Variants in ESPL1 observed in about 807,000 individuals in gnomAD.
The protein encoded by ESPL1 is separin.
Under a neutral mutation model 217.2 loss-of-function variants are expected in ESPL1, and 50 were observed. That is an observed-to-expected ratio of 0.23 (90% CI 0.18 to 0.29). The LOEUF (loss-of-function observed/expected upper bound fraction) is 0.29, where lower values mean the gene tolerates loss of function less well. Ranked by LOEUF, ESPL1 falls within the 10% of genes least tolerant of loss-of-function variation. The pLI, the probability that ESPL1 is intolerant of heterozygous loss-of-function variation, is 1.00. For missense variants in ESPL1, 1,834 were observed against 2,603.0 expected (o/e 0.70, Z 6.43); for synonymous variants, 994 against 1,081.3 (o/e 0.92, Z 1.58).
rs559652752 is a variant in ESPL1 at position 53,287,229 on chromosome 12, T to C, written c.4176+317T>C. The C allele has an allele frequency of 1.9e-4, 42 of 215,876 alleles. No homozygotes were observed. The South Asian group carries it at 3.0e-3, about 15-fold the overall frequency. The allele number at this position is 215,876 out of a possible 1,614,324, so 13.4% of individuals were successfully genotyped here. A position where few individuals can be genotyped will look rare whatever the true frequency, so the allele number is the denominator to read the frequency against. On this transcript the variant is annotated intron_variant, in intron 18 of 30. Coordinates refer to ENST00000257934, the MANE Select transcript of ESPL1 (RefSeq NM_012291.5). ...CTGGGACTACAAGCGCCTGCCACCA[T>C]GCCCAGCTAATTTTTTGTATTTTCA...
chr12:53,285,929 G>T lies in ESPL1; in HGVS notation c.3193G>T (p.Gly1065Cys), dbSNP rs1348501329. The change falls in exon 18 of 31, where the codon GGT becomes TGT. Residue 1065 changes from glycine to cysteine, a missense_variant. By Grantham distance (159) the Gly-to-Cys change is radical (BLOSUM62 -3). This residue lies in a region of ESPL1 where 681 missense variants were observed against 808.0 expected (regional missense o/e 0.84). Transcript: ENST00000257934. ...LFLLESCTEF[G>C]GVTQHLDSVK... is the part of the protein sequence containing the mutation. ...TTGTTCTGCCTTCTCCCCAGAGTTT[G>T]GTGGGGTGACTCAGCACCTGGACTC... is the stretch of plus-strand genomic sequence containing the variant. 3 of 1,518,276 alleles carry T rather than the reference G, an allele frequency of 2.0e-6. No individual in the cohort carries two copies. Among genetic ancestry groups the T allele is most frequent in the Admixed American group, 2.2e-5 (1 of 45,270 alleles). 94.1% of individuals were successfully genotyped at this position (1,518,276 alleles called of 1,614,324 possible).
In ESPL1 at chr12:53,288,113, G is replaced by A; in HGVS notation, c.4318G>A (p.Val1440Ile). 1 of 1,613,730 alleles carries A rather than the reference G, an allele frequency of 6.2e-7. No individual in the cohort carries two copies. Reference sequence around the variant, plus strand: ...CCTGAGCCTAAAGACGGATGCCGTGGTTGCCCCAGGTAGTGCCCCTGGGAA... The same window carrying A: ...CCTGAGCCTAAAGACGGATGCCGTGATTGCCCCAGGTAGTGCCCCTGGGAA... ...KGLSLKTDAV[V>I]APGSAPGNPG... The change falls in exon 19 of 31, where the codon GTT becomes ATT. Residue 1440 changes from valine (V) to isoleucine (I), a missense_variant. By Grantham distance (29) the Val-to-Ile change is conservative. Coordinates refer to ENST00000257934, the MANE Select transcript of ESPL1 (RefSeq NM_012291.5).
At position 53,289,770 on chromosome 12, in the gene ESPL1, C is replaced by T. The variant is rs1483534990; in HGVS notation, c.5113+176C>T. ...AAGGTTTGTTGTTTTTTTTAAACCTCAACTTTGAATTACCAGCAAATTCAG... is the reference window on the plus strand; with the variant it reads ...AAGGTTTGTTGTTTTTTTTAAACCTTAACTTTGAATTACCAGCAAATTCAG... On this transcript the variant is annotated intron_variant, in intron 22 of 30. Coordinates refer to ENST00000257934, the MANE Select transcript of ESPL1 (RefSeq NM_012291.5). 6.3e-6 allele frequency: 4 copies of T among 638,748 alleles called. No homozygotes were observed. The East Asian group carries it at 1.1e-4, about 18-fold the overall frequency. The allele number at this position is 638,748 out of a possible 1,614,324, so 39.6% of individuals were successfully genotyped here. A position where few individuals can be genotyped will look rare whatever the true frequency, so the allele number is the denominator to read the frequency against.
Position 53,283,239 on chromosome 12 carries a change from A to G in ESPL1, c.2902A>G (p.Thr968Ala). The G allele has an allele frequency of 1.9e-6, 3 of 1,614,194 alleles. No homozygotes were observed. The highest frequency in any genetic ancestry group is 2.5e-6 in the Non-Finnish European group (3 of 1,180,034). ...ILSTQKAAVE[T>A]SFLDYGENLV... ...CTCAACTCAGAAAGCAGCTGTGGAG[A>G]CATCGTTTTTGGACTATGGTGAGTC... is the stretch of plus-strand genomic sequence containing the variant. The change falls in exon 15 of 31, where the codon ACA (threonine) becomes GCA (alanine). Residue 968 changes from threonine (T) to alanine (A), a missense_variant. Transcript: ENST00000257934.
In ESPL1 at chr12:53,272,012, G is replaced by A. The variant is rs531615599; in HGVS notation, c.1370-709G>A. 1.3e-3 allele frequency among the ~76,000 whole-genome samples: 190 copies of A among 151,388 alleles called. 1 individual carries two copies. Among genetic ancestry groups the A allele is most frequent in the Middle Eastern group, 3.4e-3 (1 of 292 alleles). On this transcript the variant is annotated intron_variant, in intron 5 of 30. Coordinates refer to ENST00000257934, the MANE Select transcript of ESPL1 (RefSeq NM_012291.5). ...TGAGGCAGGAGAATGGTGTGAACCC[G>A]GGAGGTGGAGCTTGCAGTGAGCCAA...
chr12:53,279,265 GAAAC>G (rs781459469), intron 11 of ESPL1, among the ~76,000 whole-genome samples: 15 of 152,118 alleles, frequency 9.9e-5, no homozygotes, highest in Admixed American at 7.2e-4. Flanking sequence ...TCCACATTAG[GAAAC>G]AAACAAACAA....
Position 53,292,708 on chromosome 12 carries a change from A to G in ESPL1, c.5996+51A>G. 1 of 1,599,806 alleles carries G rather than the reference A, an allele frequency of 6.3e-7. No homozygotes were observed. Among genetic ancestry groups the G allele is most frequent in the Non-Finnish European group, 8.6e-7 (1 of 1,168,790 alleles). On this transcript the variant is annotated intron_variant, in intron 29 of 30. Coordinates refer to ENST00000257934, the MANE Select transcript of ESPL1 (RefSeq NM_012291.5). The surrounding 1 kb of genome is among the most constrained non-coding windows in gnomAD (Gnocchi z 4.5). Reference sequence around the variant, plus strand: ...GGAGAGGGGCAGTCCTGAGGATGGTATCACCATGGGTTGCTTTGGGACTTG... The same window carrying G: ...GGAGAGGGGCAGTCCTGAGGATGGTGTCACCATGGGTTGCTTTGGGACTTG...
chr12:53,293,107 AC>A lies in ESPL1; in HGVS notation c.6161+139del. Reference sequence around the variant, plus strand: ...CTAGTTAGTTCCCTGGCATGCCTGGACCATTAACCCTTAGCTCCCTTCTGTT... The same window carrying A: ...CTAGTTAGTTCCCTGGCATGCCTGGACATTAACCCTTAGCTCCCTTCTGTT... On this transcript the variant is annotated intron_variant, in intron 30 of 30. Transcript: ENST00000257934. This position sits in a 1 kb window ranked among gnomAD's most constrained non-coding sequence, Gnocchi z 4.2. 1 of 995,298 alleles carries A rather than the reference AC, an allele frequency of 1.0e-6. No homozygotes were observed. The highest frequency in any genetic ancestry group is 1.5e-6 in the Non-Finnish European group (1 of 670,958). 61.7% of individuals were successfully genotyped at this position (995,298 alleles called of 1,614,324 possible).
chr12:53,292,514 C>T lies in ESPL1; in HGVS notation c.5913-60C>T, dbSNP rs550951613. ...TTCTATCTAATGATCCCTCTGCTGTCTTTGCCACCTGACCCCTGCCATGCA... is the reference window on the plus strand; with the variant it reads ...TTCTATCTAATGATCCCTCTGCTGTTTTTGCCACCTGACCCCTGCCATGCA... On this transcript the variant is annotated intron_variant, in intron 28 of 30. Coordinates refer to ENST00000257934, the MANE Select transcript of ESPL1 (RefSeq NM_012291.5). This position sits in a 1 kb window ranked among gnomAD's most constrained non-coding sequence, Gnocchi z 4.5. 1.3e-6 allele frequency: 2 copies of T among 1,483,162 alleles called. No homozygotes were observed. The highest frequency in any genetic ancestry group is 2.3e-5 in the East Asian group (1 of 44,296). 91.9% of individuals were successfully genotyped at this position (1,483,162 alleles called of 1,614,324 possible). A position where few individuals can be genotyped will look rare whatever the true frequency, so the allele number is the denominator to read the frequency against.
At chr12:53,285,634 G>A (rs532031819) in intron 17 of ESPL1, among the ~76,000 whole-genome samples, 149 of 151,956 alleles carry the variant, frequency 9.8e-4, no homozygotes, top group Non-Finnish European at 1.6e-3. Context: ...GCATGAACCC[G>A]GGAGGCGGAG....
intron 13 of ESPL1, among the ~76,000 whole-genome samples, chr12:53,281,898 T>C (rs1006747832): frequency 6.6e-6 from 1 of 152,156 alleles, no homozygotes; most frequent in Non-Finnish European, 1.5e-5. Flanking sequence ...TGGGAAGGCA[T>C]GGGAGCTCTG....
In ESPL1 at chr12:53,292,356, T is replaced by C. The variant is rs1281588467; in HGVS notation, c.5875T>C (p.Ser1959Pro). 1 of 1,613,896 alleles carries C rather than the reference T, an allele frequency of 6.2e-7. No individual in the cohort carries two copies. The change falls in exon 28 of 31, where the codon TCA (serine) becomes CCA (proline). Residue 1959 changes from serine to proline, a missense_variant. By Grantham distance (74) the Ser-to-Pro change is moderately conservative. Coordinates refer to ENST00000257934, the MANE Select transcript of ESPL1 (RefSeq NM_012291.5). This position sits in a 1 kb window ranked among gnomAD's most constrained non-coding sequence, Gnocchi z 4.5. ...TGTCCTGAACCCTCACAATAACCTG[T>C]CAAGCACAGAGGAGCAATTTCGAGC... ...FYVLNPHNNL[S>P]STEEQFRANF... is the part of the protein sequence containing the mutation.
At chr12:53,274,651 A>G (rs1336021542) in intron 6 of ESPL1, among the ~76,000 whole-genome samples, 166 bp from the exon 7 acceptor site, 1 of 152,068 alleles carries the variant, frequency 6.6e-6, no homozygotes, top group East Asian at 1.9e-4. Context: ...CACTCAGAGT[A>G]TTTCATTCTT....
In ESPL1 at chr12:53,276,895, C is replaced by CT. The variant is rs759357321; in HGVS notation, c.1940+38dup. ...GTAGCTGCAGAGGCCACTCTTGCTC[C>CT]TTGCCCTAGGTCCTCTCACCCTCTT... On this transcript the variant is annotated intron_variant, in intron 8 of 30. Transcript: ENST00000257934. 9.7e-5 allele frequency: 156 copies of CT among 1,604,902 alleles called. 3 individuals carry two copies. The East Asian group carries it at 3.5e-3, about 36-fold the overall frequency.
At chr12:53,277,413 C>T in intron 9 of ESPL1, 57 bp from the exon 10 acceptor site, 1 of 1,579,706 alleles carries the variant, frequency 6.3e-7, no homozygotes, top group Non-Finnish European at 8.6e-7. Flanking sequence ...GCCGAGTAGC[C>T]AGGACGATAG....
At chr12:53,283,637 T>G in intron 16 of ESPL1, 99 bp downstream of exon 16, 1 of 1,203,696 alleles carries the variant, frequency 8.3e-7, no homozygotes, top group Non-Finnish European at 1.2e-6. Context: ...ATGCTATGTT[T>G]AGATACATTC....
At position 53,278,318 on chromosome 12, in the gene ESPL1, TA is replaced by T. The variant is rs373024477; in HGVS notation, c.2364+366del. ...GGCGAAACCCCGTCTCTACAAGAAATAAAAAAAATATAGCCCGGTGCGGTGG... is the reference window on the plus strand; with the variant it reads ...GGCGAAACCCCGTCTCTACAAGAAATAAAAAAATATAGCCCGGTGCGGTGG... On this transcript the variant is annotated intron_variant, in intron 11 of 30. Transcript: ENST00000257934. Among the ~76,000 whole-genome samples, 76 of 151,296 alleles carry T rather than the reference TA, an allele frequency of 5.0e-4. 1 individual carries two copies. In the East Asian group the frequency reaches 0.013, roughly 25 times the overall value.
In ESPL1 at chr12:53,292,714, A is replaced by G. The variant is rs1002983978; in HGVS notation, c.5996+57A>G. 1.9e-6 allele frequency: 3 copies of G among 1,600,680 alleles called. No homozygotes were observed. Among genetic ancestry groups the G allele is most frequent in the African/African-American group, 2.7e-5 (2 of 74,654 alleles). On this transcript the variant is annotated intron_variant, in intron 29 of 30. Transcript: ENST00000257934. The surrounding 1 kb of genome is among the most constrained non-coding windows in gnomAD (Gnocchi z 4.5). Reference sequence around the variant, plus strand: ...GGGCAGTCCTGAGGATGGTATCACCATGGGTTGCTTTGGGACTTGAGAGCC... The same window carrying G: ...GGGCAGTCCTGAGGATGGTATCACCGTGGGTTGCTTTGGGACTTGAGAGCC...
At chr12:53,283,599 A>C in intron 16 of ESPL1, 61 bp downstream of exon 16, 1 of 1,497,882 alleles carries the variant, frequency 6.7e-7, no homozygotes, top group Non-Finnish European at 9.1e-7. Context: ...ACCCTTGAAC[A>C]TGGATTCCAA....
Sources: gnomAD v4.1 joint callset for allele counts (sites outside exome capture counted in the v4.1 genomes callset) on GRCh38, gnomAD v4.1.1 for gene constraint, gnomAD v4.1.1 regional missense constraint, Gnocchi (gnomAD v3.1) non-coding constraint, MANE v1.5 for transcripts, NCBI Gene and HGNC (gene_info 2026-07-23, HGNC 2026-07-21) for gene names.